The following ESRRB variants were observed in gnomAD, a reference collection of about 807,000 sequenced individuals.
The protein encoded by ESRRB is estrogen related receptor beta.
ESRRB carries 16 observed loss-of-function variants against 46.0 expected under a neutral mutation model. That is an observed-to-expected ratio of 0.35 (90% confidence interval 0.24 to 0.53). The LOEUF is 0.53. Ranked by LOEUF, ESRRB falls within the 20% of genes least tolerant of loss-of-function variation. The pLI is 0.93. For missense variants in ESRRB, 488 were observed against 607.4 expected, an observed-to-expected ratio of 0.80 and a Z score of 2.07; for synonymous variants, 246 against 259.6, an observed-to-expected ratio of 0.95 and a Z score of 0.50.
Position 76,414,668 on chromosome 14 carries a change from TAAAAAAAAA to T in ESRRB, c.51-24656_51-24648del, listed in dbSNP as rs71452810. On this transcript the variant is annotated intron_variant, in intron 1 of 6. Transcript: ENST00000644823. ...TCTGCTGCTGTTTTTGTTTGTTCCT[TAAAAAAAAA>T]AAAAAAAAAAAAAAAACTATTCTAG... Among the ~76,000 whole-genome samples, 197 of 116,850 alleles carry T rather than the reference TAAAAAAAAA, an allele frequency of 1.7e-3. 1 individual carries two copies. The highest frequency in any genetic ancestry group is 5.5e-3 in the African/African-American group (183 of 33,248). 76.7% of individuals were successfully genotyped at this position (116,850 alleles called of 152,430 possible).
Position 76,498,922 on chromosome 14 carries a change from G to A in ESRRB, c.*464G>A, listed in dbSNP as rs761008695. On this transcript the variant is annotated 3_prime_UTR_variant, in exon 7 of 7. Coordinates refer to ENST00000644823, the MANE Select transcript of ESRRB (RefSeq NM_001379180.1). ...CTTCCGCAGAGGGCAGGTACGCAAGGGACAACAGTATCTTTCTTCCAGAGG... is the reference window on the plus strand; with the variant it reads ...CTTCCGCAGAGGGCAGGTACGCAAGAGACAACAGTATCTTTCTTCCAGAGG... 2 of 509,808 alleles carry A rather than the reference G, an allele frequency of 3.9e-6. No homozygotes were observed. The highest frequency in any genetic ancestry group is 4.0e-5 in the Admixed American group (2 of 49,476). The allele number at this position is 509,808 out of a possible 1,614,324, so 31.6% of individuals were successfully genotyped here. A position where few individuals can be genotyped will look rare whatever the true frequency, so the allele number is the denominator to read the frequency against.
chr14:76,394,039 G>A (rs991008451), intron 1 of ESRRB, among the ~76,000 whole-genome samples: 6 of 146,780 alleles, frequency 4.1e-5, no homozygotes, highest in African/African-American at 1.5e-4. Flanking sequence ...GACCTCAGGT[G>A]ATCTACCCTC....
At chr14:76,373,127 C>T (rs528455423), upstream of ESRRB, among the ~76,000 whole-genome samples, 1 of 152,342 alleles carries the variant, frequency 6.6e-6, no homozygotes, top group South Asian at 2.1e-4. Context: ...TCCACATTTA[C>T]TGCATCTAAT....
chr14:76,464,411 C>T (rs909924561), intron 3 of ESRRB, among the ~76,000 whole-genome samples: 1 of 152,204 alleles, frequency 6.6e-6, no homozygotes, highest in African/African-American at 2.4e-5. Context: ...TTGGACCTTC[C>T]ACTTCCGTTT....
chr14:76,316,182 G>A (rs1218904465), intron 1 of ESRRB, among the ~76,000 whole-genome samples: 2 of 152,116 alleles, frequency 1.3e-5, no homozygotes, highest in African/African-American at 2.4e-5. Flanking sequence ...CTCCATCACT[G>A]GAGTTCCTGC....
At chr14:76,346,572 C>T (rs937029132) in intron 1 of ESRRB, among the ~76,000 whole-genome samples, 4 of 152,202 alleles carry the variant, frequency 2.6e-5, no homozygotes, top group Admixed American at 6.5e-5. Flanking sequence ...GCTGGGTGAG[C>T]TGACCTGAGC....
chr14:76,368,581 C>T (rs1050791688), upstream of ESRRB, among the ~76,000 whole-genome samples: 5 of 152,170 alleles, frequency 3.3e-5, no homozygotes, highest in Non-Finnish European at 7.3e-5. Flanking sequence ...GTAGTGGTGA[C>T]TGCCTTTTAC....
chr14:76,414,668 T>TAAA (rs71452810), intron 1 of ESRRB, among the ~76,000 whole-genome samples: 4,241 of 116,530 alleles, frequency 0.036, 89 homozygotes, highest in Non-Finnish European at 0.046. Flanking sequence ...GTTTGTTCCT[T>TAAA]AAAAAAAAAA....
intron 1 of ESRRB, among the ~76,000 whole-genome samples, chr14:76,379,262 C>A (rs866044665): frequency 6.6e-6 from 1 of 152,172 alleles, no homozygotes; most frequent in African/African-American, 2.4e-5. Context: ...AGGCAGCGTG[C>A]TCGCCTGTGT....
intron 2 of ESRRB, among the ~76,000 whole-genome samples, chr14:76,451,471 G>T (rs930308671): frequency 1.3e-5 from 2 of 152,146 alleles, no homozygotes; most frequent in African/African-American, 4.8e-5. Flanking sequence ...TGTTAGTTGT[G>T]CTTGGCAATG....
chr14:76,361,792 G>A lies in ESRRB; in HGVS notation c.2+50876G>A, dbSNP rs1413174321. Among the ~76,000 whole-genome samples the A allele has an allele frequency of 2.6e-5, 4 of 152,226 alleles. No homozygotes were observed. The South Asian group carries it at 8.3e-4, about 31-fold the overall frequency. ...GGGGACTCTATGGCTCGCCATGATGGATCAGGCATTGGGTTATGTGGTTGG... is the reference window on the plus strand; with the variant it reads ...GGGGACTCTATGGCTCGCCATGATGAATCAGGCATTGGGTTATGTGGTTGG... On this transcript the variant is annotated intron_variant, in intron 1 of 6. Transcript: ENST00000512784.
At chr14:76,416,720 C>T (rs751432762) in intron 1 of ESRRB, among the ~76,000 whole-genome samples, 3 of 151,422 alleles carry the variant, frequency 2.0e-5, no homozygotes, top group African/African-American at 4.8e-5. Flanking sequence ...CCACCCGCCT[C>T]GGCCTCCCAA....
intron 3 of ESRRB, among the ~76,000 whole-genome samples, chr14:76,467,125 C>T (rs1205263622): frequency 6.6e-6 from 1 of 152,184 alleles, no homozygotes; most frequent in Non-Finnish European, 1.5e-5. Flanking sequence ...GGACCTGGGA[C>T]AGATGGGACA....
chr14:76,409,784 A>G (rs1320156750), intron 1 of ESRRB, among the ~76,000 whole-genome samples: 1 of 151,382 alleles, frequency 6.6e-6, no homozygotes, highest in Non-Finnish European at 1.5e-5. Context: ...TTTTTGGGGG[A>G]TGGGGATGGG....
chr14:76,343,120 A>G (rs1884211004), intron 1 of ESRRB, among the ~76,000 whole-genome samples: 1 of 152,200 alleles, frequency 6.6e-6, no homozygotes, highest in Non-Finnish European at 1.5e-5. Flanking sequence ...AGAGCAGCCC[A>G]GGCAGAAGGA....
chr14:76,367,225 A>G (rs975211620), upstream of ESRRB, among the ~76,000 whole-genome samples: 1 of 152,018 alleles, frequency 6.6e-6, no homozygotes, highest in South Asian at 2.1e-4. Flanking sequence ...GAGGCTTAGC[A>G]GGTTGCATGC....
intron 1 of ESRRB, among the ~76,000 whole-genome samples, chr14:76,437,909 C>T (rs1354380295): frequency 1.3e-5 from 2 of 152,194 alleles, no homozygotes; most frequent in African/African-American, 4.8e-5. Context: ...GCTTGGTTTA[C>T]AGGAAACATT....
At chr14:76,353,920 C>G (rs2139763725) in intron 1 of ESRRB, among the ~76,000 whole-genome samples, 1 of 152,084 alleles carries the variant, frequency 6.6e-6, no homozygotes, top group East Asian at 1.9e-4. Flanking sequence ...TATGGTGGAG[C>G]CATGGAACTC....
chr14:76,498,128 A>G (rs1390716097), intron 6 of ESRRB, 86 bp from the exon 7 acceptor site: 4 of 1,536,282 alleles, frequency 2.6e-6, no homozygotes, highest in African/African-American at 2.7e-5. Flanking sequence ...GCCTGCCTCC[A>G]TGCTGCCTCC....
Sources: gnomAD v4.1 joint callset for allele counts (sites outside exome capture counted in the v4.1 genomes callset) on GRCh38, gnomAD v4.1.1 for gene constraint, MANE v1.5 for transcripts, NCBI Gene and HGNC (gene_info 2026-07-23, HGNC 2026-07-21) for gene names.